Variants in SMARCA4 observed in about 807,000 individuals in gnomAD.
SMARCA4 encodes SWI/SNF-related matrix-associated actin-dependent regulator of chromatin subfamily A member 4.
SMARCA4 carries 31 observed loss-of-function variants against 193.9 expected under a neutral mutation model. The observed-to-expected ratio is 0.16, with a 90% CI of 0.12 to 0.22. The LOEUF (loss-of-function observed/expected upper bound fraction) is 0.22. SMARCA4 is among the 10% of genes least tolerant of loss of function. SMARCA4 has a pLI of 1.00. For missense variants in SMARCA4, 1,148 were observed against 2,296.0 expected (o/e 0.50, Z 10.22); for synonymous variants, 942 against 933.1 (o/e 1.01, Z -0.17).
rs1461878928 is a variant in SMARCA4 at position 11,033,331 on chromosome 19, G to A, written c.3588G>A (p.Gln1196=). The A allele has an allele frequency of 2.5e-6, 4 of 1,613,180 alleles. No individual in the cohort carries two copies. Among genetic ancestry groups the A allele is most frequent in the Non-Finnish European group, 2.5e-6 (3 of 1,180,028 alleles). ...AQDRAHRIGQ[Q]NEVRVLRLCT... is the part of the protein sequence containing the mutation. ...ACCGAGCCCACCGCATCGGGCAGCA[G>A]AACGAGGTGCGTGTGCTCCGCCTCT... The change falls in exon 26 of 35, where the codon CAG becomes CAA. Residue 1196 remains glutamine (Q), a synonymous_variant. Transcript: ENST00000344626. This position sits in a 1 kb window ranked among gnomAD's most constrained non-coding sequence, Gnocchi z 9.8.
At position 11,031,191 on chromosome 19, in the gene SMARCA4, C is replaced by T; in HGVS notation, c.3546+298C>T. On this transcript the variant is annotated intron_variant, in intron 25 of 34. Transcript: ENST00000344626. The surrounding 1 kb of genome is among the most constrained non-coding windows in gnomAD (Gnocchi z 4.3). The stretch of plus-strand genomic sequence containing the variant: ...CACCCATGAGGAGGTGGAAAGTATC[C>T]TGATCAATCTGCGCCGTCACTGTGG... The T allele has an allele frequency of 4.6e-6, 2 of 430,558 alleles. No homozygotes were observed. Among genetic ancestry groups the T allele is most frequent in the East Asian group, 4.8e-5 (1 of 20,854 alleles). 26.7% of individuals were successfully genotyped at this position (430,558 alleles called of 1,614,324 possible). A position where few individuals can be genotyped will look rare whatever the true frequency, so the allele number is the denominator to read the frequency against.
At chr19:11,023,752 G>T (rs574375310) in intron 20 of SMARCA4, 121 bp downstream of exon 20, 4 of 724,698 alleles carry the variant, frequency 5.5e-6, no homozygotes, top group African/African-American at 3.5e-5. Flanking sequence ...ATCCAGCTTG[G>T]GGGTGGCGAT....
In SMARCA4 at chr19:11,058,260, G is replaced by C. The variant is rs770592452; in HGVS notation, c.4430G>C (p.Ser1477Thr). 3 of 1,611,778 alleles carry C rather than the reference G, an allele frequency of 1.9e-6. No homozygotes were observed. The South Asian group carries it at 3.3e-5, about 18-fold the overall frequency. Residue 1477 changes from serine (S) to threonine (T), a missense_variant, in exon 31 of 35, where the codon AGT (serine) becomes ACT (threonine). Physicochemically the swap from Ser to Thr is moderately conservative, Grantham distance 58. Around this residue, in one of 17 missense-constraint regions of SMARCA4, gnomAD observed 141 missense variants for 193.0 expected, o/e 0.73. Transcript: ENST00000344626. This position sits in a 1 kb window ranked among gnomAD's most constrained non-coding sequence, Gnocchi z 5.8. ...CCGCCGGTTCTGCCTTGCAGCAGCA[G>C]TGGACGTCAGCTCAGCGAGGTCTTC... ...DAVIKYKDSS[S>T]GRQLSEVFIQ...
intron 1 of SMARCA4, chr19:10,980,707 A>AC (rs1414522225): frequency 1.3e-5 from 2 of 151,884 alleles, no homozygotes; most frequent in African/African-American, 2.4e-5. Context: ...TGGCTTGTCC[A>AC]CCTTCAGAGA....
Position 10,978,984 on chromosome 19 carries a change from A to G in SMARCA4, c.-31-5137A>G, listed in dbSNP as rs1599885936. Among the ~76,000 whole-genome samples the G allele has an allele frequency of 2.6e-5, 4 of 152,182 alleles. 1 individual carries two copies. The highest frequency in any genetic ancestry group is 9.6e-5 in the African/African-American group (4 of 41,522). On this transcript the variant is annotated intron_variant, in intron 1 of 34. Coordinates refer to ENST00000344626, the MANE Select transcript of SMARCA4 (RefSeq NM_003072.5). ...AATAAATAGATAGATAGATATCTCA[A>G]TAGCCAGTAAGCATACAGAAAGGTG...
rs1460916833 is a variant in SMARCA4 at position 10,989,251 on chromosome 19, G to T, written c.1119-66G>T. 4 of 1,603,504 alleles carry T rather than the reference G, an allele frequency of 2.5e-6. No individual in the cohort carries two copies. The East Asian group carries it at 8.9e-5, about 36-fold the overall frequency. On this transcript the variant is annotated intron_variant, in intron 6 of 34. Transcript: ENST00000344626. ...TCTCTCGAGGGATGGGTCCCCTGCA[G>T]CTCCAGCTGTAACTGGGTGCCCTGG...
intron 1 of SMARCA4, among the ~76,000 whole-genome samples, chr19:10,963,670 G>A (rs1349695528): frequency 1.3e-5 from 2 of 152,152 alleles, no homozygotes; most frequent in African/African-American, 4.8e-5. Flanking sequence ...GGTAGGACGA[G>A]GATGCCCGAA....
At position 11,058,448 on chromosome 19, in the gene SMARCA4, G is replaced by A. The variant is rs1410526002; in HGVS notation, c.4533+85G>A. On this transcript the variant is annotated intron_variant, in intron 31 of 34. Coordinates refer to ENST00000344626, the MANE Select transcript of SMARCA4 (RefSeq NM_003072.5). The surrounding 1 kb of genome is among the most constrained non-coding windows in gnomAD (Gnocchi z 5.8). ...CACCCCCATCTGAGAGCTGTGGTGT[G>A]TGGGCAGAATGACCAGAAACCACCT... The A allele has an allele frequency of 3.0e-6, 3 of 984,810 alleles. No homozygotes were observed. Among genetic ancestry groups the A allele is most frequent in the Admixed American group, 1.9e-5 (1 of 53,454 alleles). The allele number at this position is 984,810 out of a possible 1,614,324, so 61.0% of individuals were successfully genotyped here.
rs1600635214 is a variant in SMARCA4 at position 11,058,799 on chromosome 19, C to A, written c.4545C>A (p.Arg1515=). 1 of 1,614,122 alleles carries A rather than the reference C, an allele frequency of 6.2e-7. No homozygotes were observed. The highest frequency in any genetic ancestry group is 1.3e-5 in the African/African-American group (1 of 75,046). ...CCCGTCCACTGCAGGAGCGCATTCG[C>A]AACCACAAGTACCGCAGCCTCAACG... ...VDFKKIKERI[R]NHKYRSLNDL... is the part of the protein sequence containing the mutation. The change falls in exon 32 of 35, where the codon CGC becomes CGA. Residue 1515 remains arginine (R), a synonymous_variant. Coordinates refer to ENST00000344626, the MANE Select transcript of SMARCA4 (RefSeq NM_003072.5). The surrounding 1 kb of genome is among the most constrained non-coding windows in gnomAD (Gnocchi z 5.8).
At chr19:10,996,598 C>G (rs1367831560) in intron 11 of SMARCA4, 54 bp downstream of exon 11, 11 of 1,490,468 alleles carry the variant, frequency 7.4e-6, no homozygotes, top group African/African-American at 1.4e-5. Context: ...AGGCGTTGGT[C>G]TGTTTCAGAC....
chr19:11,058,229 T>C lies in SMARCA4; in HGVS notation c.4425-26T>C, dbSNP rs375373156. 3.9e-6 allele frequency: 6 copies of C among 1,551,604 alleles called. No homozygotes were observed. Among genetic ancestry groups the C allele is most frequent in the Non-Finnish European group, 5.3e-6 (6 of 1,129,704 alleles). On this transcript the variant is annotated intron_variant, in intron 30 of 34. Coordinates refer to ENST00000344626, the MANE Select transcript of SMARCA4 (RefSeq NM_003072.5). The surrounding 1 kb of genome is among the most constrained non-coding windows in gnomAD (Gnocchi z 5.8). Reference sequence around the variant, plus strand: ...GCTCCCGGGTGGGCGGACTCGGGGGTGATAGCCGCCGGTTCTGCCTTGCAG... The same window carrying C: ...GCTCCCGGGTGGGCGGACTCGGGGGCGATAGCCGCCGGTTCTGCCTTGCAG...
intron 1 of SMARCA4, 138 bp from the exon 2 acceptor site, chr19:10,983,983 G>T: frequency 2.9e-6 from 2 of 692,164 alleles, no homozygotes; most frequent in Non-Finnish European, 5.2e-6. Context: ...ATGGAGAAAC[G>T]GTTTGGGTGG....
At chr19:11,049,377 T>C (rs1241266854) in intron 30 of SMARCA4, among the ~76,000 whole-genome samples, 1 of 151,826 alleles carries the variant, frequency 6.6e-6, no homozygotes, top group Non-Finnish European at 1.5e-5. Context: ...ATGTAGGAGA[T>C]TTTACTTTAA....
intron 13 of SMARCA4, among the ~76,000 whole-genome samples, chr19:11,005,929 A>G (rs77317337): frequency 0.012 from 1,890 of 152,150 alleles, 36 homozygotes; most frequent in African/African-American, 0.043. Context: ...AAATTTGCCC[A>G]CCTCCTCATT....
intron 34 of SMARCA4, among the ~76,000 whole-genome samples, chr19:11,061,264 A>G (rs1458263535): frequency 6.9e-6 from 1 of 143,998 alleles, no homozygotes; most frequent in Non-Finnish European, 1.5e-5. Flanking sequence ...GATCTTTCAC[A>G]GTCAGGAAGA....
At position 10,963,370 on chromosome 19, in the gene SMARCA4, CAAAAAAAAA is replaced by C. The variant is rs755616481; in HGVS notation, c.-32+2209_-32+2217del. On this transcript the variant is annotated intron_variant, in intron 1 of 34. Coordinates refer to ENST00000344626, the MANE Select transcript of SMARCA4 (RefSeq NM_003072.5). ...CCTGTGCACCAGAGTAAGACTGTCTCAAAAAAAAAAAAAAAAAAAAAGAAAAAGAAAGCT... is the reference window on the plus strand; with the variant it reads ...CCTGTGCACCAGAGTAAGACTGTCTCAAAAAAAAAAAAGAAAAAGAAAGCT... 9.4e-5 allele frequency among the ~76,000 whole-genome samples: 5 copies of C among 53,142 alleles called. No individual in the cohort carries two copies. The East Asian group carries it at 2.5e-3, about 27-fold the overall frequency. The allele number at this position is 53,142 out of a possible 152,430, so 34.9% of individuals were successfully genotyped here. A position where few individuals can be genotyped will look rare whatever the true frequency, so the allele number is the denominator to read the frequency against.
chr19:10,995,202 G>A (rs1331808435), intron 9 of SMARCA4: 1 of 687,830 alleles, frequency 1.5e-6, no homozygotes, highest in South Asian at 1.5e-5. Context: ...CAGAATGACT[G>A]TGTGACCTCA....
At chr19:11,042,380 ACAGAGCTGGG>A (rs2146839715) in intron 30 of SMARCA4, among the ~76,000 whole-genome samples, 2 of 152,362 alleles carry the variant, frequency 1.3e-5, no homozygotes, top group East Asian at 3.9e-4. Context: ...AGGGCAGGTC[ACAGAGCTGGG>A]CAGGAGCCAG....
chr19:11,048,063 G>A (rs1409608221), intron 30 of SMARCA4, among the ~76,000 whole-genome samples: 1 of 152,256 alleles, frequency 6.6e-6, no homozygotes, highest in Non-Finnish European at 1.5e-5. Flanking sequence ...ATGGCAGGTG[G>A]TGCTCATGTC....
Sources: gnomAD v4.1 joint callset for allele counts (sites outside exome capture counted in the v4.1 genomes callset) on GRCh38, gnomAD v4.1.1 for gene constraint, gnomAD v4.1.1 regional missense constraint, Gnocchi (gnomAD v3.1) non-coding constraint, MANE v1.5 for transcripts, NCBI Gene and HGNC (gene_info 2026-07-23, HGNC 2026-07-21) for gene names.